The following MED13L variants were observed in gnomAD, a reference collection of about 807,000 sequenced individuals.
MED13L encodes the protein mediator of RNA polymerase II transcription subunit 13-like.
Under a neutral mutation model 220.9 loss-of-function variants are expected in MED13L, and 7 were observed. That is an observed-to-expected ratio of 0.03 (90% CI 0.02 to 0.06). The LOEUF is 0.06. MED13L is among the 10% of genes least tolerant of loss of function. MED13L has a pLI of 1.00. For missense variants in MED13L, 1,965 were observed against 2,760.5 expected (o/e 0.71, Z 6.46); for synonymous variants, 1,011 against 1,015.2 (o/e 1.00, Z 0.08).
At chr12:115,968,053 T>TTCCCCCC (rs1491288278) in intron 28 of MED13L, among the ~76,000 whole-genome samples, 5 of 40,606 alleles carry the variant, frequency 1.2e-4, no homozygotes, top group African/African-American at 1.7e-4. Flanking sequence ...GGAATAAAAG[T>TTCCCCCC]CCCCCCCCCC....
intron 2 of MED13L, among the ~76,000 whole-genome samples, chr12:116,112,759 G>A (rs753994465): frequency 6.6e-6 from 1 of 152,166 alleles, no homozygotes; most frequent in Non-Finnish European, 1.5e-5. Context: ...TTCCAACAAT[G>A]CTCTGCAGGT....
chr12:116,182,892 T>G (rs532378040), intron 2 of MED13L, among the ~76,000 whole-genome samples: 2 of 152,238 alleles, frequency 1.3e-5, no homozygotes, highest in Admixed American at 6.5e-5. Flanking sequence ...CTGCTCTTCA[T>G]GTGCTACACA....
At chr12:116,196,699 T>C (rs1881645932) in intron 2 of MED13L, among the ~76,000 whole-genome samples, 1 of 152,230 alleles carries the variant, frequency 6.6e-6, no homozygotes, top group Admixed American at 6.5e-5. Context: ...AAAGTAATAA[T>C]GCTGATAATT....
intron 2 of MED13L, among the ~76,000 whole-genome samples, chr12:116,146,681 C>G (rs1565899629): frequency 6.6e-6 from 1 of 151,744 alleles, no homozygotes; most frequent in Non-Finnish European, 1.5e-5. Flanking sequence ...GCCTGGCCAA[C>G]GTGAGGAAAC....
At chr12:116,172,574 C>A (rs1455875169) in intron 2 of MED13L, among the ~76,000 whole-genome samples, 1 of 152,162 alleles carries the variant, frequency 6.6e-6, no homozygotes, top group African/African-American at 2.4e-5. Context: ...ATCGGGAATG[C>A]TAACAGCATG....
Position 115,966,340 on chromosome 12 carries a change from C to A in MED13L, c.6226-97G>T. The stretch of plus-strand genomic sequence containing the variant: ...CACTCTGCACACTGCAGTGAGTGAT[C>A]CCCTTTGTGGCAGCATCTCACAGAA... On this transcript the variant is annotated intron_variant, in intron 28 of 30. Coordinates refer to ENST00000281928, the MANE Select transcript of MED13L (RefSeq NM_015335.5). 2.9e-6 allele frequency: 4 copies of A among 1,372,940 alleles called. No individual in the cohort carries two copies. The Admixed American group carries it at 5.5e-5, about 19-fold the overall frequency. The allele number at this position is 1,372,940 out of a possible 1,614,324, so 85.0% of individuals were successfully genotyped here.
intron 2 of MED13L, among the ~76,000 whole-genome samples, chr12:116,148,074 A>AAAAAAAAAAAAAAAAAAAAG (rs1377801971): frequency 1.0e-5 from 1 of 98,312 alleles, no homozygotes; most frequent in African/African-American, 3.9e-5. Flanking sequence ...AAAAAAAAAA[A>AAAAAAAAAAAAAAAAAAAAG]GAGGGGGGCG....
rs1219924856 is a variant in MED13L, at chr12:115,991,658, G to A, written c.3296C>T (p.Thr1099Ile). ...TRPLNSVEPATMQPIPEAHSL... is the reference protein window; with the variant it reads ...TRPLNSVEPAIMQPIPEAHSL... ...GTGGGCTTCGGGAATTGGCTGCATG[G>A]TGGCGGGCTCCACAGAGTTGAGGGG... The change falls in exon 17 of 31, where the codon ACC (threonine) becomes ATC (isoleucine). Residue 1099 changes from threonine to isoleucine, a missense_variant. By Grantham distance (89) the Thr-to-Ile change is moderately conservative. Around this residue, in one of 10 missense-constraint regions of MED13L, gnomAD observed 233 missense variants for 306.2 expected, o/e 0.76. Transcript: ENST00000281928. This position sits in a 1 kb window ranked among gnomAD's most constrained non-coding sequence, Gnocchi z 7.7. 1 of 1,614,112 alleles carries A rather than the reference G, an allele frequency of 6.2e-7. No individual in the cohort carries two copies. The highest frequency in any genetic ancestry group is 8.5e-7 in the Non-Finnish European group (1 of 1,180,006).
At chr12:116,194,653 T>C (rs925953897) in intron 2 of MED13L, among the ~76,000 whole-genome samples, 3 of 152,264 alleles carry the variant, frequency 2.0e-5, no homozygotes, top group African/African-American at 7.2e-5. Flanking sequence ...AATATTTATA[T>C]GTTCTAGAGA....
intron 3 of MED13L, among the ~76,000 whole-genome samples, chr12:116,105,555 T>C (rs376504525): frequency 5.3e-5 from 8 of 152,220 alleles, no homozygotes; most frequent in African/African-American, 1.9e-4. Context: ...TCTGACAAAT[T>C]ACAAATAAAA....
intron 16 of MED13L, 145 bp from the exon 17 acceptor site, chr12:115,992,102 C>A: frequency 4.0e-6 from 3 of 756,486 alleles, no homozygotes; most frequent in Admixed American, 2.3e-5. Context: ...TTAATTTTCT[C>A]TTAAAAAAAA....
intron 3 of MED13L, among the ~76,000 whole-genome samples, chr12:116,100,723 T>G (rs565834323): frequency 1.8e-3 from 275 of 150,312 alleles, no homozygotes; most frequent in Non-Finnish European, 3.0e-3. Context: ...CCAGACAACA[T>G]AGTGGAACCC....
At position 116,079,292 on chromosome 12, in the gene MED13L, C is replaced by G. The variant is rs192000763; in HGVS notation, c.479+17377G>C. 1.0e-3 allele frequency among the ~76,000 whole-genome samples: 153 copies of G among 152,052 alleles called. 1 individual carries two copies. The highest frequency in any genetic ancestry group is 1.8e-3 in the African/African-American group (75 of 41,432). ...GACTGGCAGTGGTATAATTATAGCT[C>G]ACTGCAGCCTCAATCTCCCAGGATC... is the stretch of plus-strand genomic sequence containing the variant. On this transcript the variant is annotated intron_variant, in intron 4 of 30. Transcript: ENST00000281928.
intron 4 of MED13L, among the ~76,000 whole-genome samples, chr12:116,085,750 TCACTCACACACACACACA>T (rs1468366289): frequency 1.0e-5 from 1 of 100,060 alleles, no homozygotes; most frequent in Non-Finnish European, 2.0e-5. Flanking sequence ...AAGATTAAAA[TCACTCACACACACACACA>T]CACACACACA....
chr12:115,960,859 G>C lies in MED13L; in HGVS notation c.*407C>G. 3.5e-6 allele frequency: 1 copy of C among 284,552 alleles called. No individual in the cohort carries two copies. The allele number at this position is 284,552 out of a possible 1,614,324, so 17.6% of individuals were successfully genotyped here. A position where few individuals can be genotyped will look rare whatever the true frequency, so the allele number is the denominator to read the frequency against. ...CAGGTAACCCACAGGCCATACACCA[G>C]TAACTAAGAGGATTTCATCCAAAGG... On this transcript the variant is annotated 3_prime_UTR_variant, in exon 31 of 31. Coordinates refer to ENST00000281928, the MANE Select transcript of MED13L (RefSeq NM_015335.5).
At chr12:115,988,227 C>T (rs553748218) in intron 17 of MED13L, among the ~76,000 whole-genome samples, 2 of 152,180 alleles carry the variant, frequency 1.3e-5, no homozygotes, top group African/African-American at 4.8e-5. Flanking sequence ...CATTTTCAAA[C>T]GTGTCCCTAA....
At chr12:116,065,686 T>C (rs536703155) in intron 4 of MED13L, among the ~76,000 whole-genome samples, 6 of 152,304 alleles carry the variant, frequency 3.9e-5, no homozygotes, top group African/African-American at 9.6e-5. Flanking sequence ...AGGCCTAATA[T>C]TGCATGGTCA....
chr12:116,125,867 TAAAC>T (rs975875046), intron 2 of MED13L, among the ~76,000 whole-genome samples: 4 of 152,054 alleles, frequency 2.6e-5, no homozygotes, highest in Non-Finnish European at 5.9e-5. Flanking sequence ...TTTACTTTCA[TAAAC>T]AACTATGGTT....
intron 23 of MED13L, among the ~76,000 whole-genome samples, chr12:115,976,493 G>C (rs1190258641): frequency 6.6e-6 from 1 of 152,168 alleles, no homozygotes; most frequent in East Asian, 1.9e-4. Flanking sequence ...ATCTTTAAGG[G>C]ATTGGAAAGG....
Sources: gnomAD v4.1 joint callset for allele counts (sites outside exome capture counted in the v4.1 genomes callset) on GRCh38, gnomAD v4.1.1 for gene constraint, gnomAD v4.1.1 regional missense constraint, Gnocchi (gnomAD v3.1) non-coding constraint, MANE v1.5 for transcripts, NCBI Gene and HGNC (gene_info 2026-07-23, HGNC 2026-07-21) for gene names.